Variants in EFCAB5 observed in about 807,000 individuals in gnomAD.
EFCAB5 encodes the protein EF-hand calcium-binding domain-containing protein 5.
Under a neutral mutation model 167.9 loss-of-function variants are expected in EFCAB5, and 131 were observed. The ratio of observed to expected loss-of-function variants is 0.78; its 90% CI spans 0.68 to 0.90. The LOEUF is 0.90. Among genes scored for constraint, EFCAB5 ranks in the 40% least tolerant of loss-of-function variants. The pLI is 0.00. For missense variants in EFCAB5, 1,663 were observed against 1,745.2 expected (o/e 0.95, Z 0.84); for synonymous variants, 574 against 602.8 (o/e 0.95, Z 0.70).
intron 18 of EFCAB5, among the ~76,000 whole-genome samples, chr17:30,083,610 A>C (rs2071032358): frequency 6.6e-6 from 1 of 152,138 alleles, no homozygotes. Flanking sequence ...ATGCGCCACC[A>C]CGCCAAGCTA....
intron 16 of EFCAB5, 23 bp from the exon 17 acceptor site, chr17:30,080,730 A>G (rs373360540): frequency 1.3e-6 from 2 of 1,535,054 alleles, no homozygotes; most frequent in African/African-American, 2.7e-5. Flanking sequence ...CCTTTCTTCC[A>G]TCCTCATACT....
chr17:29,937,936 G>A (rs550575592), upstream of EFCAB5, among the ~76,000 whole-genome samples: 4 of 152,260 alleles, frequency 2.6e-5, no homozygotes, highest in Non-Finnish European at 5.9e-5. Context: ...CTAGCACAAA[G>A]CCATTTTAGG....
Position 29,969,363 on chromosome 17 carries a change from A to C in EFCAB5, c.763A>C (p.Asn255His), listed in dbSNP as rs1210159429. Residue 255 changes from asparagine to histidine, a missense_variant, in exon 4 of 23, where the codon AAC becomes CAC. Physicochemically the swap from Asn to His is moderately conservative, Grantham distance 68. Coordinates refer to ENST00000394835, the MANE Select transcript of EFCAB5 (RefSeq NM_198529.4). ...GATATATGTTCCTGACACTATCTGC[A>C]ACAGGTACAATCTGTTATAGTTTCA... ...LKIYVPDTICNRVSKMKENVK... is the reference protein window; with the variant it reads ...LKIYVPDTICHRVSKMKENVK... 2.5e-6 allele frequency: 4 copies of C among 1,579,294 alleles called. No homozygotes were observed. The highest frequency in any genetic ancestry group is 8.6e-7 in the Non-Finnish European group (1 of 1,165,358).
chr17:30,015,236 T>C (rs1334092599), intron 7 of EFCAB5, among the ~76,000 whole-genome samples: 1 of 152,206 alleles, frequency 6.6e-6, no homozygotes, highest in Non-Finnish European at 1.5e-5. Context: ...TTAGCATTTT[T>C]CCGTCATTTC....
chr17:30,092,229 A>G, intron 21 of EFCAB5, 72 bp downstream of exon 21: 2 of 1,451,932 alleles, frequency 1.4e-6, no homozygotes, highest in Non-Finnish European at 1.8e-6. Flanking sequence ...ACAAATCATA[A>G]TTGCATAAAT....
At chr17:30,028,506 G>C (rs924168215) in intron 7 of EFCAB5, among the ~76,000 whole-genome samples, 4 of 152,138 alleles carry the variant, frequency 2.6e-5, no homozygotes, top group African/African-American at 9.7e-5. Context: ...AAATATATGA[G>C]AAAAACTTGG....
intron 7 of EFCAB5, among the ~76,000 whole-genome samples, chr17:30,023,357 C>T (rs534366435): frequency 0.012 from 1,788 of 151,916 alleles, 35 homozygotes; most frequent in African/African-American, 0.039. Context: ...ATATCACCAC[C>T]GATCCCACAG....
At chr17:30,080,297 T>A (rs2070959438) in intron 16 of EFCAB5, 56 bp downstream of exon 16, 1 of 1,473,688 alleles carries the variant, frequency 6.8e-7, no homozygotes. Flanking sequence ...ATTCCCTTTC[T>A]GAGTAAACTG....
chr17:30,067,809 T>G (rs780964008), intron 14 of EFCAB5, among the ~76,000 whole-genome samples: 1 of 152,162 alleles, frequency 6.6e-6, no homozygotes, highest in Non-Finnish European at 1.5e-5. Flanking sequence ...TTACTCAACA[T>G]CTGTCTATTC....
intron 22 of EFCAB5, among the ~76,000 whole-genome samples, chr17:30,099,257 G>C (rs1242553988): frequency 2.6e-5 from 4 of 151,940 alleles, no homozygotes; most frequent in Non-Finnish European, 2.9e-5. Flanking sequence ...TGACAGCCTG[G>C]GCAACATAGT....
rs1261317132 is a variant in EFCAB5, at chr17:30,053,574, A to T, written c.1620A>T (p.Ile540=). ...CAACTGCAGAGCAAGAACTGTACAT[A>T]GAATCAGTAATAGAACCAGGAACAC... ...KKPTAEQELY[I]ESVIEPGTHT... The change falls in exon 10 of 23, where the codon ATA becomes ATT. Residue 540 remains isoleucine (I), a synonymous_variant. Transcript: ENST00000394835. 3 of 1,614,004 alleles carry T rather than the reference A, an allele frequency of 1.9e-6. No individual in the cohort carries two copies. The highest frequency in any genetic ancestry group is 2.5e-6 in the Non-Finnish European group (3 of 1,179,872).
At chr17:29,946,374 C>T (rs1487651446) in intron 3 of EFCAB5, among the ~76,000 whole-genome samples, 1 of 150,370 alleles carries the variant, frequency 6.7e-6, no homozygotes, top group Non-Finnish European at 1.5e-5. Flanking sequence ...TGCTTGTACA[C>T]TGCTGGTGGG....
At chr17:29,971,048 T>C (rs1283318566) in intron 4 of EFCAB5, among the ~76,000 whole-genome samples, 1 of 149,804 alleles carries the variant, frequency 6.7e-6, no homozygotes, top group Non-Finnish European at 1.5e-5. Context: ...CACTCCAGCC[T>C]GGGCAACAGA....
chr17:29,998,643 G>A (rs1283312685), intron 6 of EFCAB5, among the ~76,000 whole-genome samples: 1 of 152,138 alleles, frequency 6.6e-6, no homozygotes, highest in Non-Finnish European at 1.5e-5. Flanking sequence ...TAATGCATAA[G>A]TTTATATGAA....
In EFCAB5 at chr17:29,936,410, C is replaced by T. The variant is rs369741573; in HGVS notation, c.-126-5830C>T. Among the ~76,000 whole-genome samples the T allele has an allele frequency of 6.6e-5, 10 of 152,256 alleles. No homozygotes were observed. The East Asian group carries it at 1.7e-3, about 26-fold the overall frequency. On this transcript the variant is annotated intron_variant, in intron 1 of 3. Coordinates refer to the EFCAB5 transcript ENST00000448319. ...ACATGGCACATGTATACATACATAACAAACCTGCACGTTGTGCACATGTAC... is the reference window on the plus strand; with the variant it reads ...ACATGGCACATGTATACATACATAATAAACCTGCACGTTGTGCACATGTAC...
intron 22 of EFCAB5, among the ~76,000 whole-genome samples, chr17:30,100,744 G>A (rs774358691): frequency 1.3e-5 from 2 of 150,620 alleles, no homozygotes; most frequent in Non-Finnish European, 3.0e-5. Flanking sequence ...TCCAACCTAG[G>A]CGACAGAGTG....
chr17:30,040,278 C>T (rs1055504995), intron 8 of EFCAB5, among the ~76,000 whole-genome samples: 1 of 152,234 alleles, frequency 6.6e-6, no homozygotes, highest in Non-Finnish European at 1.5e-5. Context: ...ACCAATTTTA[C>T]CTCGTTTCTC....
In EFCAB5 at chr17:30,053,854, G is replaced by A; in HGVS notation, c.1900G>A (p.Ala634Thr). The change falls in exon 10 of 23, where the codon GCA (alanine) becomes ACA (threonine). Residue 634 changes from alanine to threonine, a missense_variant. By Grantham distance (58) the Ala-to-Thr change is moderately conservative. Transcript: ENST00000394835. The stretch of plus-strand genomic sequence containing the variant: ...ACAAGGATCACGCAGAATGTCAGCT[G>A]CAGAACAGGGATCACTCAGAGAGTC... ...AEQGSRRMSA[A>T]EQGSLRESVI... is the part of the protein sequence containing the mutation. 6.2e-7 allele frequency: 1 copy of A among 1,614,038 alleles called. No individual in the cohort carries two copies. The highest frequency in any genetic ancestry group is 1.7e-5 in the Admixed American group (1 of 60,024).
chr17:29,969,771 A>G (rs983295519), intron 4 of EFCAB5, among the ~76,000 whole-genome samples: 1 of 152,170 alleles, frequency 6.6e-6, no homozygotes, highest in Non-Finnish European at 1.5e-5. Context: ...CCATCTACCC[A>G]ATATTCCACC....
Sources: allele counts gnomAD v4.1 joint callset (sites outside exome capture counted in the v4.1 genomes callset), GRCh38; gene constraint gnomAD v4.1.1; transcripts MANE v1.5; gene names NCBI Gene and HGNC (gene_info 2026-07-23, HGNC 2026-07-21).